Variants in MYLK observed in about 807,000 individuals in gnomAD.
The protein encoded by MYLK is myosin light chain kinase, also known as myosin light chain kinase, smooth muscle.
A neutral mutation model predicts 203.4 loss-of-function variants in MYLK; 106 were observed. The ratio of observed to expected loss-of-function variants is 0.52; its 90% CI spans 0.45 to 0.61. The LOEUF is 0.61. Among genes scored for constraint, MYLK ranks in the 20% least tolerant of loss-of-function variants. The probability of loss-of-function intolerance (pLI) is 0.00; values close to 1 mark genes in which losing one functional copy is unlikely to be tolerated. For synonymous variants in MYLK, 867 were observed against 959.5 expected, an observed-to-expected ratio of 0.90 and a Z score of 1.78; for missense variants, 2,072 against 2,442.3, an observed-to-expected ratio of 0.85 and a Z score of 3.20.
intron 29 of MYLK, 26 bp downstream of exon 29, chr3:123,638,045 A>T: frequency 6.2e-7 from 1 of 1,613,062 alleles, no homozygotes; most frequent in Non-Finnish European, 8.5e-7. Context: ...GTGGTCCACC[A>T]GTCCACCAAG....
intron 23 of MYLK, among the ~76,000 whole-genome samples, chr3:123,658,833 ACTCATACTCATATT>A (rs2059473612): frequency 6.6e-6 from 1 of 152,042 alleles, no homozygotes; most frequent in Admixed American, 6.5e-5. Context: ...GAGTATATAT[ACTCATACTCATATT>A]CATTCTTGTC....
intron 4 of MYLK, among the ~76,000 whole-genome samples, chr3:123,766,539 G>A (rs936933452): frequency 6.6e-6 from 1 of 152,268 alleles, no homozygotes; most frequent in African/African-American, 2.4e-5. Context: ...GTGACTTACA[G>A]GGCTGGGGCT....
At position 123,722,218 on chromosome 3, in the gene MYLK, C is replaced by T. The variant is rs1426083751; in HGVS notation, c.1714G>A (p.Asp572Asn). Residue 572 changes from aspartate (D) to asparagine (N), a missense_variant, in exon 13 of 34, where the codon GAT becomes AAT. Asp to Asn is a conservative substitution (Grantham distance 23, BLOSUM62 1). Around this residue, in one of 3 missense-constraint regions of MYLK, gnomAD observed 865 missense variants for 1,016.0 expected, o/e 0.85. Transcript: ENST00000360304. ...EAGVAELHIQ[D>N]ALPEDHGTYT... ...GTGCCATGGTCCTCCGGCAGGGCATCCTGGATGTGGAGCTCAGCCACGCCG... is the reference window on the plus strand; with the variant it reads ...GTGCCATGGTCCTCCGGCAGGGCATTCTGGATGTGGAGCTCAGCCACGCCG... 1 of 1,563,128 alleles carries T rather than the reference C, an allele frequency of 6.4e-7. No individual in the cohort carries two copies. The highest frequency in any genetic ancestry group is 8.7e-7 in the Non-Finnish European group (1 of 1,153,270).
At chr3:123,783,436 G>A (rs2064377253) in intron 4 of MYLK, among the ~76,000 whole-genome samples, 1 of 152,130 alleles carries the variant, frequency 6.6e-6, no homozygotes, top group Non-Finnish European at 1.5e-5. Context: ...GCAGAGTTGT[G>A]TAATTTTTTA....
intron 23 of MYLK, among the ~76,000 whole-genome samples, chr3:123,661,213 C>T (rs1001214575): frequency 9.9e-5 from 15 of 152,204 alleles, no homozygotes; most frequent in African/African-American, 3.6e-4. Flanking sequence ...TGGCACTGCG[C>T]AGGAGCTGGG....
intron 18 of MYLK, among the ~76,000 whole-genome samples, chr3:123,693,844 A>G (rs2060790586): frequency 6.6e-6 from 1 of 152,234 alleles, no homozygotes; most frequent in South Asian, 2.1e-4. Context: ...ACAAGTAAAT[A>G]GCAGGGCATC....
At chr3:123,741,403 T>A (rs1345868104) in intron 5 of MYLK, among the ~76,000 whole-genome samples, 2 of 152,258 alleles carry the variant, frequency 1.3e-5, no homozygotes, top group Admixed American at 1.3e-4. Flanking sequence ...CTGTGTCTAG[T>A]TTTCATTCCT....
rs1211748252 is a variant in MYLK, at chr3:123,638,212, AG to A, written c.4838-19del. The stretch of plus-strand genomic sequence containing the variant: ...CGCATTCTCTGAAACCAGGATGGAG[AG>A]GGATAAATTGCCAGCACATCACGGA... On this transcript the variant is annotated intron_variant, in intron 28 of 33. Coordinates refer to ENST00000360304, the MANE Select transcript of MYLK (RefSeq NM_053025.4). The A allele has an allele frequency of 2.3e-5, 37 of 1,613,366 alleles. No individual in the cohort carries two copies. Among genetic ancestry groups the A allele is most frequent in the Non-Finnish European group, 3.1e-5 (36 of 1,180,016 alleles).
In MYLK at chr3:123,647,384, G is replaced by A. The variant is rs886229659; in HGVS notation, c.4459C>T (p.Arg1487Ter). ...QVFRLVEKKT[R>*]KVWAGKFFKA... ...AAGAACTTCCCTGCCCAGACTTTTC[G>A]AGTTTTCTTTTCTACAAGTCGAAAG... The change falls in exon 27 of 34, where the codon CGA (arginine) becomes TGA (stop). Residue 1487 changes from arginine to a stop codon, truncating the protein, a stop_gained. Coordinates refer to ENST00000360304, the MANE Select transcript of MYLK (RefSeq NM_053025.4). LOFTEE classifies it high-confidence loss of function. 1.9e-6 allele frequency: 3 copies of A among 1,614,158 alleles called. No homozygotes were observed. The highest frequency in any genetic ancestry group is 2.5e-6 in the Non-Finnish European group (3 of 1,180,024).
At chr3:123,724,139 CTTTTTTTTTTTTT>C (rs5852359) in intron 12 of MYLK, among the ~76,000 whole-genome samples, 1 of 80,850 alleles carries the variant, frequency 1.2e-5, no homozygotes, top group Admixed American at 2.0e-4. Flanking sequence ...CTAAGTTTTG[CTTTTTTTTTTTTT>C]TTTTTTTTTT....
At chr3:123,762,915 G>A (rs906921878) in intron 4 of MYLK, among the ~76,000 whole-genome samples, 20 of 152,214 alleles carry the variant, frequency 1.3e-4, no homozygotes, top group African/African-American at 4.8e-4. Flanking sequence ...CTCGGTCTGT[G>A]GTATTTTGTT....
chr3:123,757,179 A>T (rs2108904721), intron 4 of MYLK, among the ~76,000 whole-genome samples: 1 of 152,318 alleles, frequency 6.6e-6, no homozygotes, highest in Non-Finnish European at 1.5e-5. Flanking sequence ...AGCACTAAAC[A>T]TTTTGGTTTT....
At chr3:123,813,465 G>A (rs940760081) in intron 3 of MYLK, among the ~76,000 whole-genome samples, 1 of 151,970 alleles carries the variant, frequency 6.6e-6, no homozygotes, top group African/African-American at 2.4e-5. Context: ...TTCTCCATCA[G>A]GCTGGGCCCA....
At chr3:123,851,056 G>T (rs1577122290) in intron 2 of MYLK, among the ~76,000 whole-genome samples, 1 of 152,206 alleles carries the variant, frequency 6.6e-6, no homozygotes, top group Admixed American at 6.5e-5. Flanking sequence ...GATGGTTGTA[G>T]ACGTGTGGTA....
Position 123,642,691 on chromosome 3 carries a change from G to T in MYLK, c.4620-2187C>A, listed in dbSNP as rs2058879250. On this transcript the variant is annotated intron_variant, in intron 27 of 33. Coordinates refer to ENST00000360304, the MANE Select transcript of MYLK (RefSeq NM_053025.4). This position sits in a 1 kb window ranked among gnomAD's most constrained non-coding sequence, Gnocchi z 4.2. ...CATCTACAAGTATTCTTAGGTCTCA[G>T]CCAGTTATTAACATCTCTGTGCTTC... is the stretch of plus-strand genomic sequence containing the variant. Among the ~76,000 whole-genome samples, 1 of 152,190 alleles carries T rather than the reference G, an allele frequency of 6.6e-6. No homozygotes were observed. Among genetic ancestry groups the T allele is most frequent in the Admixed American group, 6.5e-5 (1 of 15,276 alleles).
intron 12 of MYLK, among the ~76,000 whole-genome samples, chr3:123,725,112 C>T (rs2062233938): frequency 6.6e-6 from 1 of 152,124 alleles, no homozygotes; most frequent in African/African-American, 2.4e-5. Context: ...TTCTTTTCCA[C>T]CCTATCTTCT....
Position 123,648,897 on chromosome 3 carries a change from G to A in MYLK, c.4415+74C>T. 7.8e-7 allele frequency: 1 copy of A among 1,277,808 alleles called. No homozygotes were observed. 79.2% of individuals were successfully genotyped at this position (1,277,808 alleles called of 1,614,324 possible). On this transcript the variant is annotated intron_variant, in intron 26 of 33. Coordinates refer to ENST00000360304, the MANE Select transcript of MYLK (RefSeq NM_053025.4). This position sits in a 1 kb window ranked among gnomAD's most constrained non-coding sequence, Gnocchi z 4.5. ...GCCCCAGGGAGCAACAGGAAGCTGAGGCACTGAATCTAACTGTGAGACCCG... is the reference window on the plus strand; with the variant it reads ...GCCCCAGGGAGCAACAGGAAGCTGAAGCACTGAATCTAACTGTGAGACCCG...
At position 123,614,225 on chromosome 3, in the gene MYLK, A is replaced by G; in HGVS notation, c.5625T>C (p.Asp1875=). 1.9e-6 allele frequency: 3 copies of G among 1,614,036 alleles called. No homozygotes were observed. In the South Asian group the frequency reaches 3.3e-5, roughly 18 times the overall value. Residue 1875 remains aspartate (D), a synonymous_variant, in exon 34 of 34, where the codon GAT becomes GAC. Coordinates refer to ENST00000360304, the MANE Select transcript of MYLK (RefSeq NM_053025.4). ...CCTTGCAGGTGTACTTGGCATCGTCATCCCCGCAAACATCACTAATAATTA... is the reference window on the plus strand; with the variant it reads ...CCTTGCAGGTGTACTTGGCATCGTCGTCCCCGCAAACATCACTAATAATTA... ...CSLIISDVCG[D]DDAKYTCKAV...
intron 31 of MYLK, chr3:123,622,178 C>T (rs141145278): frequency 1.6e-4 from 25 of 152,526 alleles, no homozygotes; most frequent in African/African-American, 2.9e-4. Context: ...TTCTCAGACT[C>T]GGCCCTTCTC....
Sources: allele counts gnomAD v4.1 joint callset (sites outside exome capture counted in the v4.1 genomes callset), GRCh38; gene constraint gnomAD v4.1.1; regional missense constraint gnomAD v4.1.1; non-coding constraint Gnocchi (gnomAD v3.1); transcripts MANE v1.5; gene names NCBI Gene and HGNC (gene_info 2026-07-23, HGNC 2026-07-21).